FANK1: variants seen among roughly 807,000 people sequenced by gnomAD.
FANK1 encodes fibronectin type III and ankyrin repeat domains 1.
In FANK1, 44 loss-of-function variants were observed where a neutral mutation model predicts 45.3. That is an observed-to-expected ratio of 0.97 (90% confidence interval 0.76 to 1.25). FANK1 has a LOEUF of 1.25. FANK1 is among the 50% of genes most tolerant of loss of function. The pLI, the probability that FANK1 is intolerant of heterozygous loss-of-function variation, is 0.00. For missense variants in FANK1, 391 were observed against 424.4 expected (o/e 0.92, Z 0.69); for synonymous variants, 149 against 152.5 (o/e 0.98, Z 0.17).
intron 1 of FANK1, among the ~76,000 whole-genome samples, chr10:125,921,000 G>C (rs1946906382): frequency 1.3e-5 from 2 of 152,046 alleles, no homozygotes; most frequent in African/African-American, 2.4e-5. Flanking sequence ...TTCCTCTCCG[G>C]TGATCTTGTC....
chr10:125,916,123 C>T (rs112293883), intron 1 of FANK1, among the ~76,000 whole-genome samples: 36 of 151,638 alleles, frequency 2.4e-4, no homozygotes, highest in Non-Finnish European at 4.4e-4. Flanking sequence ...CTGCAACCTC[C>T]GCCTCCTGAC....
intron 1 of FANK1, among the ~76,000 whole-genome samples, chr10:125,904,395 A>G (rs1160632471): frequency 6.6e-6 from 1 of 152,260 alleles, no homozygotes; most frequent in East Asian, 1.9e-4. Context: ...ATCACTGGTG[A>G]ATTCTTCAAT....
intron 7 of FANK1, among the ~76,000 whole-genome samples, chr10:126,007,836 A>G (rs1346031872): frequency 6.6e-6 from 1 of 152,190 alleles, no homozygotes; most frequent in Non-Finnish European, 1.5e-5. Flanking sequence ...TTAAAACACT[A>G]AATTGAGAGA....
At chr10:125,962,600 G>T (rs1294317023) in intron 1 of FANK1, among the ~76,000 whole-genome samples, 2 of 151,996 alleles carry the variant, frequency 1.3e-5, no homozygotes, top group Non-Finnish European at 2.9e-5. Context: ...ATAACCTGCT[G>T]TTAATTCCAT....
intron 1 of FANK1, among the ~76,000 whole-genome samples, chr10:125,949,797 T>C (rs1179061333): frequency 2.7e-5 from 4 of 149,748 alleles, no homozygotes; most frequent in South Asian, 2.2e-4. Flanking sequence ...AAAAAGAGCC[T>C]GCATCGCCAA....
intron 1 of FANK1, among the ~76,000 whole-genome samples, chr10:125,924,775 C>T (rs1054331499): frequency 6.8e-6 from 1 of 146,794 alleles, no homozygotes; most frequent in Admixed American, 6.8e-5. Flanking sequence ...CTACTGCACT[C>T]CAGCCTGGGT....
Position 126,004,931 on chromosome 10 carries a change from T to A in FANK1, c.587T>A (p.Leu196His), listed in dbSNP as rs2133354046. ...GGACACCTAGATGTTGTGAAATATCTCCGAAGACATGGCGCTTCTTGGCAG... is the reference window on the plus strand; with the variant it reads ...GGACACCTAGATGTTGTGAAATATCACCGAAGACATGGCGCTTCTTGGCAG... ...YAGHLDVVKY[L>H]RRHGASWQAR... Residue 196 changes from leucine to histidine, a missense_variant, in exon 7 of 11, where the codon CTC becomes CAC. Transcript: ENST00000368693. 1 of 1,614,150 alleles carries A rather than the reference T, an allele frequency of 6.2e-7. No homozygotes were observed. Among genetic ancestry groups the A allele is most frequent in the Non-Finnish European group, 8.5e-7 (1 of 1,180,038 alleles).
chr10:125,909,686 CTTTTTTTT>C (rs34854157), intron 1 of FANK1, among the ~76,000 whole-genome samples: 4 of 103,274 alleles, frequency 3.9e-5, no homozygotes, highest in African/African-American at 1.2e-4. Context: ...GACCAATTAA[CTTTTTTTT>C]TTTTTTTTTT....
Position 126,004,996 on chromosome 10 carries a change from G to T in FANK1, c.652G>T (p.Ala218Ser). Residue 218 changes from alanine (A) to serine (S), a missense_variant, in exon 7 of 11, where the codon GCA becomes TCA. Physicochemically the swap from Ala to Ser is moderately conservative, Grantham distance 99. Coordinates refer to ENST00000368693, the MANE Select transcript of FANK1 (RefSeq NM_145235.5). Reference protein sequence around the residue: ...LGGCTALHWAADGGHCSVIEW... With the variant: ...LGGCTALHWASDGGHCSVIEW... ...AGGCTGTACAGCTCTGCACTGGGCT[G>T]CAGATGGAGGCCACTGCAGTGTGAT... 6.2e-7 allele frequency: 1 copy of T among 1,614,176 alleles called. No homozygotes were observed. The highest frequency in any genetic ancestry group is 8.5e-7 in the Non-Finnish European group (1 of 1,180,028).
chr10:125,973,535 C>T (rs752766784), intron 1 of FANK1: 148 of 849,080 alleles, frequency 1.7e-4, no homozygotes, highest in Non-Finnish European at 1.9e-4. Context: ...CCACATGTAT[C>T]CCTCAGTATC....
chr10:125,920,794 T>C (rs985578077), intron 1 of FANK1, among the ~76,000 whole-genome samples: 4 of 152,216 alleles, frequency 2.6e-5, no homozygotes, highest in African/African-American at 9.6e-5. Context: ...AGGTTTAATA[T>C]GAGTTTATAT....
rs562262006 is a variant in FANK1 at position 125,998,618 on chromosome 10, C to A, written c.539+1133C>A. Among the ~76,000 whole-genome samples, 87 of 152,140 alleles carry A rather than the reference C, an allele frequency of 5.7e-4. No homozygotes were observed. In the South Asian group the frequency reaches 0.017, roughly 30 times the overall value. On this transcript the variant is annotated intron_variant, in intron 6 of 10. Coordinates refer to ENST00000368693, the MANE Select transcript of FANK1 (RefSeq NM_145235.5). ...AAGCTATCTAATAAGATACACCAATCTTTTGTAAATCTAAGAAGAAAAAAA... is the reference window on the plus strand; with the variant it reads ...AAGCTATCTAATAAGATACACCAATATTTTGTAAATCTAAGAAGAAAAAAA...
chr10:125,941,296 G>A (rs2134153748), intron 1 of FANK1, among the ~76,000 whole-genome samples: 1 of 152,154 alleles, frequency 6.6e-6, no homozygotes, highest in East Asian at 1.9e-4. Flanking sequence ...TTTTGCAGAA[G>A]AAGCAATTTG....
At chr10:125,944,270 A>AT (rs1948631564) in intron 1 of FANK1, among the ~76,000 whole-genome samples, 1 of 152,090 alleles carries the variant, frequency 6.6e-6, no homozygotes, top group Non-Finnish European at 1.5e-5. Context: ...TTTTGTACAT[A>AT]TTTTCCCTTA....
chr10:125,974,903 A>G (rs754483476), intron 1 of FANK1: 24 of 151,954 alleles, frequency 1.6e-4, no homozygotes, highest in Non-Finnish European at 3.1e-4. Flanking sequence ...TTTGTCACAC[A>G]GATAAATATG....
intron 1 of FANK1, among the ~76,000 whole-genome samples, chr10:125,954,368 A>T (rs1229192340): frequency 1.3e-5 from 2 of 152,174 alleles, no homozygotes; most frequent in South Asian, 2.1e-4. Flanking sequence ...TTTGAAGAGG[A>T]ACTTCTTTTG....
intron 1 of FANK1, among the ~76,000 whole-genome samples, chr10:125,912,686 G>A (rs957770184): frequency 3.3e-5 from 5 of 152,124 alleles, no homozygotes. Flanking sequence ...TGTCCGGGCT[G>A]GAGTGCAGTG....
intron 1 of FANK1, among the ~76,000 whole-genome samples, chr10:125,899,399 T>G (rs1944855206): frequency 6.6e-6 from 1 of 152,130 alleles, no homozygotes; most frequent in Non-Finnish European, 1.5e-5. Context: ...TGAATAGAGC[T>G]AAAGTCTGAT....
chr10:125,921,175 A>G (rs1946919115), intron 1 of FANK1, among the ~76,000 whole-genome samples: 1 of 152,214 alleles, frequency 6.6e-6, no homozygotes, highest in Non-Finnish European at 1.5e-5. Context: ...GGTAGATTAC[A>G]AAATTATATG....
Sources: gnomAD v4.1 joint callset for allele counts (sites outside exome capture counted in the v4.1 genomes callset) on GRCh38, gnomAD v4.1.1 for gene constraint, MANE v1.5 for transcripts, NCBI Gene and HGNC (gene_info 2026-07-23, HGNC 2026-07-21) for gene names.